ITGAL: variants seen among roughly 807,000 people sequenced by gnomAD.
ITGAL encodes integrin subunit alpha L.
Under a neutral mutation model 138.4 loss-of-function variants are expected in ITGAL, and 68 were observed. The observed-to-expected ratio is 0.49, with a 90% CI of 0.40 to 0.60. The LOEUF (loss-of-function observed/expected upper bound fraction) is 0.60. Ranked by LOEUF, ITGAL falls within the 20% of genes least tolerant of loss-of-function variation. The pLI, the probability that ITGAL is intolerant of heterozygous loss-of-function variation, is 0.00. For missense variants in ITGAL, 1,256 were observed against 1,478.6 expected (o/e 0.85, Z 2.47); for synonymous variants, 561 against 584.3 (o/e 0.96, Z 0.57).
At chr16:30,517,335 G>T (rs572068569) in intron 26 of ITGAL, among the ~76,000 whole-genome samples, 1 of 152,048 alleles carries the variant, frequency 6.6e-6, no homozygotes, top group Non-Finnish European at 1.5e-5. Flanking sequence ...GCCCGTGCCC[G>T]TGGTCTCAGC....
At chr16:30,484,072 G>A (rs756616511) in intron 8 of ITGAL, 41 bp from the exon 9 acceptor site, 2 of 1,603,886 alleles carry the variant, frequency 1.2e-6, no homozygotes, top group African/African-American at 1.3e-5. Context: ...CTGGACTGAG[G>A]TTTGGGGGAT....
chr16:30,499,191 C>G lies in ITGAL; in HGVS notation c.1950C>G (p.Ile650Met), dbSNP rs568362620. 1.9e-6 allele frequency: 3 copies of G among 1,614,174 alleles called. No homozygotes were observed. The African/African-American group carries it at 4.0e-5, about 22-fold the overall frequency. ...TSNKMKEGVN[I>M]TICFQIKSLI... is the part of the protein sequence containing the mutation. ...ACAAGATGAAAGAAGGAGTTAATAT[C>G]ACAATCTGTTTCCAGATCAAGTCTC... Residue 650 changes from isoleucine to methionine, a missense_variant, in exon 16 of 31, where the codon ATC becomes ATG. Physicochemically the swap from Ile to Met is conservative, Grantham distance 10. This residue lies in a region of ITGAL where 867 missense variants were observed against 972.5 expected (regional missense o/e 0.89). Transcript: ENST00000356798.
rs1320029784 is a variant in ITGAL at position 30,496,253 on chromosome 16, T to C, written c.1660T>C (p.Phe554Leu). ...PLEEQGAVYI[F>L]NGRHGGLSPQ... is the part of the protein sequence containing the mutation. ...GGAGGAGCAGGGGGCTGTGTACATC[T>C]TCAATGGGAGGCACGGGGGGCTTAG... The change falls in exon 14 of 31, where the codon TTC becomes CTC. Residue 554 changes from phenylalanine (F) to leucine (L), a missense_variant. Phe to Leu is a conservative substitution (Grantham distance 22). Transcript: ENST00000356798. 7 of 1,605,718 alleles carry C rather than the reference T, an allele frequency of 4.4e-6. No individual in the cohort carries two copies. The highest frequency in any genetic ancestry group is 6.0e-6 in the Non-Finnish European group (7 of 1,175,480).
Position 30,484,221 on chromosome 16 carries a change from G to T in ITGAL, c.964G>T (p.Asp322Tyr). The T allele has an allele frequency of 6.2e-7, 1 of 1,614,168 alleles. No homozygotes were observed. Among genetic ancestry groups the T allele is most frequent in the South Asian group, 1.1e-5 (1 of 91,082 alleles). ...TCTGGACACATTTGAGAAGCTGAAA[G>T]ATCTATTCACTGAGCTGCAGAAGAA... ...KILDTFEKLK[D>Y]LFTELQKKIY... is the part of the protein sequence containing the mutation. Residue 322 changes from aspartate to tyrosine, a missense_variant, in exon 9 of 31, where the codon GAT becomes TAT. Around this residue, in one of 3 missense-constraint regions of ITGAL, gnomAD observed 177 missense variants for 288.8 expected, o/e 0.61. Transcript: ENST00000356798.
intron 30 of ITGAL, among the ~76,000 whole-genome samples, chr16:30,520,562 G>C (rs1464606485): frequency 6.6e-6 from 1 of 152,192 alleles, no homozygotes; most frequent in Admixed American, 6.5e-5. Context: ...TGGCTGCTGG[G>C]CACTGTCCCA....
intron 9 of ITGAL, among the ~76,000 whole-genome samples, chr16:30,487,037 G>T (rs1285878448): frequency 1.3e-5 from 2 of 151,732 alleles, no homozygotes; most frequent in Non-Finnish European, 2.9e-5. Context: ...CAGCTACTCG[G>T]GAGGCTGAGG....
chr16:30,494,876 G>A lies in ITGAL; in HGVS notation c.1503+26G>A. 8 of 1,569,744 alleles carry A rather than the reference G, an allele frequency of 5.1e-6. No individual in the cohort carries two copies. Among genetic ancestry groups the A allele is most frequent in the Non-Finnish European group, 6.9e-6 (8 of 1,152,158 alleles). On this transcript the variant is annotated intron_variant, in intron 13 of 30. Coordinates refer to ENST00000356798, the MANE Select transcript of ITGAL (RefSeq NM_002209.3). The surrounding 1 kb of genome is among the most constrained non-coding windows in gnomAD (Gnocchi z 4.2). ...GTGGGGCCAGGATCTGGAGCTGAGA[G>A]GGAGGAGGGAGAGCAGCAGAGATTC... is the stretch of plus-strand genomic sequence containing the variant.
Position 30,499,471 on chromosome 16 carries a change from C to A in ITGAL, c.2127C>A (p.Asp709Glu), listed in dbSNP as rs369990476. 175 of 1,613,136 alleles carry A rather than the reference C, an allele frequency of 1.1e-4. 1 individual carries two copies. Among genetic ancestry groups the A allele is most frequent in the Non-Finnish European group, 1.3e-4 (154 of 1,179,780 alleles). The part of the protein sequence containing the change: ...IAVTTSMSCT[D>E]FSFHFPVCVQ... ...TCACCACCAGCATGTCATGCACTGA[C>A]TTCTCATTTCATTTCCCGGTAAGGG... The change falls in exon 17 of 31, where the codon GAC (aspartate) becomes GAA (glutamate). Residue 709 changes from aspartate to glutamate, a missense_variant. By Grantham distance (45) the Asp-to-Glu change is conservative. This residue lies in a region of ITGAL where 867 missense variants were observed against 972.5 expected (regional missense o/e 0.89). Transcript: ENST00000356798.
intron 4 of ITGAL, among the ~76,000 whole-genome samples, chr16:30,476,063 A>G (rs879696415): frequency 1.3e-5 from 2 of 152,008 alleles, no homozygotes; most frequent in Non-Finnish European, 2.9e-5. Flanking sequence ...ATCCTGGCTA[A>G]CACGGTGAAA....
At chr16:30,514,825 C>CTTTTTTTTTTTT (rs35701226) in intron 25 of ITGAL, among the ~76,000 whole-genome samples, 2 of 134,260 alleles carry the variant, frequency 1.5e-5, no homozygotes, top group Non-Finnish European at 3.2e-5. Flanking sequence ...TTTTTCTTTT[C>CTTTTTTTTTTTT]TTTTTTTTTT....
At chr16:30,505,788 G>T (rs1314533820) in intron 20 of ITGAL, among the ~76,000 whole-genome samples, 1 of 152,224 alleles carries the variant, frequency 6.6e-6, no homozygotes, top group Non-Finnish European at 1.5e-5. Context: ...GGAGATTGAG[G>T]CAGAGGATGG....
At chr16:30,506,496 T>C (rs947967327) in intron 20 of ITGAL, among the ~76,000 whole-genome samples, 2 of 127,396 alleles carry the variant, frequency 1.6e-5, no homozygotes, top group Non-Finnish European at 3.1e-5. Flanking sequence ...GAGGCGGAGC[T>C]TGCAGTGAGC....
chr16:30,497,274 C>T (rs918038412), intron 15 of ITGAL, among the ~76,000 whole-genome samples: 49 of 150,762 alleles, frequency 3.3e-4, no homozygotes, highest in Admixed American at 1.5e-3. Context: ...ACCCAGGAGG[C>T]GGAGCTTGCA....
chr16:30,517,594 A>G (rs374820496), intron 26 of ITGAL, 55 bp from the exon 27 acceptor site: 1 of 1,457,528 alleles, frequency 6.9e-7, no homozygotes, highest in South Asian at 1.1e-5. Flanking sequence ...CTGGGATGCC[A>G]GTGTCTTATC....
rs1417741836 is a variant in ITGAL at position 30,484,159 on chromosome 16, A to G, written c.902A>G (p.Lys301Arg). Residue 301 changes from lysine (K) to arginine (R), a missense_variant, in exon 9 of 31, where the codon AAA becomes AGA. Around this residue, in one of 3 missense-constraint regions of ITGAL, gnomAD observed 177 missense variants for 288.8 expected, o/e 0.61. Transcript: ENST00000356798. ...AAGGAGAGTCAGGAGACCCTCCACA[A>G]ATTTGCATCAAAACCCGCGAGCGAG... ...QTKESQETLH[K>R]FASKPASEFV... The G allele has an allele frequency of 4.3e-6, 7 of 1,614,028 alleles. No individual in the cohort carries two copies. Among genetic ancestry groups the G allele is most frequent in the Non-Finnish European group, 5.9e-6 (7 of 1,180,024 alleles).
chr16:30,503,987 G>A (rs1187569765), intron 17 of ITGAL, 188 bp from the exon 18 acceptor site: 2 of 527,402 alleles, frequency 3.8e-6, no homozygotes, highest in Admixed American at 3.3e-5. Flanking sequence ...TGATAACTGT[G>A]CTGAGAAGCC....
rs965516374 is a variant in ITGAL, at chr16:30,515,626, G to C, written c.2863-1347G>C. ...ATCCCTCTCACCTGGTGCCATCCTG[G>C]CTCCCCACATGTCTCTTCTTGGATG... On this transcript the variant is annotated intron_variant, in intron 25 of 30. Coordinates refer to ENST00000356798, the MANE Select transcript of ITGAL (RefSeq NM_002209.3). Among the ~76,000 whole-genome samples the C allele has an allele frequency of 4.6e-5, 7 of 152,112 alleles. No homozygotes were observed. In the South Asian group the frequency reaches 1.5e-3, roughly 32 times the overall value.
At chr16:30,489,514 G>A (rs761249198) in intron 11 of ITGAL, 128 bp downstream of exon 11, 46 of 811,596 alleles carry the variant, frequency 5.7e-5, no homozygotes, top group Non-Finnish European at 9.1e-5. Flanking sequence ...TTTAAATATG[G>A]CTATAACATT....
chr16:30,504,087 C>A, intron 17 of ITGAL, 88 bp from the exon 18 acceptor site: 1 of 1,023,966 alleles, frequency 9.8e-7, no homozygotes, highest in Non-Finnish European at 1.5e-6. Flanking sequence ...AATTTCATCA[C>A]TTGTAAAATG....
Sources: allele counts gnomAD v4.1 joint callset (sites outside exome capture counted in the v4.1 genomes callset), GRCh38; gene constraint gnomAD v4.1.1; regional missense constraint gnomAD v4.1.1; non-coding constraint Gnocchi (gnomAD v3.1); transcripts MANE v1.5; gene names NCBI Gene and HGNC (gene_info 2026-07-23, HGNC 2026-07-21).